FHIT: variants seen among roughly 807,000 people sequenced by gnomAD.
FHIT encodes the protein bis(5'-adenosyl)-triphosphatase.
A neutral mutation model predicts 17.9 loss-of-function variants in FHIT; 19 were observed. The observed-to-expected ratio is 1.06, with a 90% CI of 0.74 to 1.56. FHIT has a LOEUF of 1.56. FHIT is among the 40% of genes most tolerant of loss of function. The pLI is 0.00. For missense variants in FHIT, 248 were observed against 189.2 expected (o/e 1.31, Z -1.82); for synonymous variants, 81 against 69.7 (o/e 1.16, Z -0.81).
intron 7 of FHIT, among the ~76,000 whole-genome samples, chr3:59,936,087 ACAGT>A (rs891950888): frequency 3.9e-5 from 6 of 152,200 alleles, no homozygotes; most frequent in Admixed American, 2.0e-4. Flanking sequence ...TATCCTAAAA[ACAGT>A]CAGCATTGCA....
At chr3:60,787,452 T>C (rs556608417) in intron 4 of FHIT, among the ~76,000 whole-genome samples, 3 of 152,330 alleles carry the variant, frequency 2.0e-5, no homozygotes, top group South Asian at 2.1e-4. Flanking sequence ...GGGATCACTG[T>C]TGTAATTAGG....
chr3:60,186,195 A>T (rs1189069781), intron 5 of FHIT, among the ~76,000 whole-genome samples: 1 of 152,124 alleles, frequency 6.6e-6, no homozygotes, highest in African/African-American at 2.4e-5. Context: ...GGTGGTGTAT[A>T]TACCTACTAA....
At chr3:60,686,940 T>A (rs990338296) in intron 4 of FHIT, among the ~76,000 whole-genome samples, 9 of 152,220 alleles carry the variant, frequency 5.9e-5, no homozygotes, top group Admixed American at 3.9e-4. Context: ...ATTCTTCAGA[T>A]CCCTCAGAGA....
intron 4 of FHIT, among the ~76,000 whole-genome samples, chr3:60,630,954 A>C (rs1368761955): frequency 8.9e-6 from 1 of 112,702 alleles, no homozygotes; most frequent in Non-Finnish European, 1.9e-5. Context: ...AAAAAAAAAA[A>C]AACACACAGA....
chr3:60,462,117 A>T (rs148553772), intron 5 of FHIT, among the ~76,000 whole-genome samples: 1 of 152,172 alleles, frequency 6.6e-6, no homozygotes, highest in Non-Finnish European at 1.5e-5. Context: ...TATGCAACAA[A>T]AACAGTTATA....
At chr3:60,704,882 TAAGTCTGCTCTTTAGCCTC>T (rs1553703096) in intron 4 of FHIT, among the ~76,000 whole-genome samples, 10 of 152,112 alleles carry the variant, frequency 6.6e-5, no homozygotes, top group Non-Finnish European at 1.5e-4. Flanking sequence ...GAGAGGCTGA[TAAGTCTGCTCTTTAGCCTC>T]AAGAAATGCC....
chr3:60,433,236 T>C (rs1293163666), intron 5 of FHIT, among the ~76,000 whole-genome samples: 1 of 152,110 alleles, frequency 6.6e-6, no homozygotes, highest in African/African-American at 2.4e-5. Context: ...CATTATCTCC[T>C]ATGACAAGGT....
chr3:60,992,589 C>G (rs1228488334), intron 3 of FHIT, among the ~76,000 whole-genome samples: 1 of 152,088 alleles, frequency 6.6e-6, no homozygotes, highest in African/African-American at 2.4e-5. Flanking sequence ...CAAAGAACCG[C>G]AGGGCAGGTG....
intron 5 of FHIT, among the ~76,000 whole-genome samples, chr3:60,520,784 A>G (rs2035328753): frequency 6.6e-6 from 1 of 152,104 alleles, no homozygotes; most frequent in Non-Finnish European, 1.5e-5. Context: ...GAGCATCTAG[A>G]CTCATCTAAA....
intron 5 of FHIT, among the ~76,000 whole-genome samples, chr3:60,438,812 C>T (rs555474883): frequency 7.2e-5 from 11 of 152,174 alleles, no homozygotes; most frequent in Admixed American, 5.9e-4. Flanking sequence ...TAATGATGTC[C>T]GTGGTACCCA....
intron 4 of FHIT, among the ~76,000 whole-genome samples, chr3:60,736,805 T>C (rs2042141979): frequency 6.6e-6 from 1 of 152,154 alleles, no homozygotes; most frequent in Non-Finnish European, 1.5e-5. Context: ...ATTATTTCAA[T>C]AAGAAAAATA....
At chr3:60,579,800 C>T (rs2037695318) in intron 4 of FHIT, among the ~76,000 whole-genome samples, 2 of 152,086 alleles carry the variant, frequency 1.3e-5, no homozygotes, top group African/African-American at 4.8e-5. Flanking sequence ...TCAGCAGATA[C>T]TTCAGAGGAA....
chr3:60,891,812 G>A (rs536934356), intron 3 of FHIT, among the ~76,000 whole-genome samples: 11 of 152,170 alleles, frequency 7.2e-5, no homozygotes, highest in East Asian at 5.8e-4. Context: ...GAAAGTACCC[G>A]GGCGTTAAGA....
chr3:60,702,103 C>T lies in FHIT; in HGVS notation c.-18+119816G>A, dbSNP rs571151975. The stretch of plus-strand genomic sequence containing the variant: ...GTCTCTAACTCCTGGGGCTCAAGCA[C>T]TCTGCCCATCTTGGCCTCCCAAAAT... On this transcript the variant is annotated intron_variant, in intron 4 of 9. Coordinates refer to ENST00000492590, the MANE Select transcript of FHIT (RefSeq NM_002012.4). Among the ~76,000 whole-genome samples, 124 of 152,304 alleles carry T rather than the reference C, an allele frequency of 8.1e-4. 1 individual carries two copies. The highest frequency in any genetic ancestry group is 1.1e-3 in the Non-Finnish European group (74 of 68,030).
intron 5 of FHIT, among the ~76,000 whole-genome samples, chr3:60,521,464 G>C (rs569538317): frequency 1.3e-5 from 2 of 152,086 alleles, no homozygotes; most frequent in African/African-American, 4.8e-5. Flanking sequence ...AGCCAGGATG[G>C]TCTCGATCTG....
intron 7 of FHIT, among the ~76,000 whole-genome samples, chr3:59,940,003 G>A (rs763919495): frequency 1.3e-5 from 2 of 152,150 alleles, no homozygotes; most frequent in Non-Finnish European, 2.9e-5. Context: ...CTTAGGTCAC[G>A]GGATGACAAT....
At chr3:60,275,930 T>C (rs1707107235) in intron 5 of FHIT, among the ~76,000 whole-genome samples, 1 of 152,086 alleles carries the variant, frequency 6.6e-6, no homozygotes, top group African/African-American at 2.4e-5. Flanking sequence ...CAATTATTGC[T>C]CTCCTTCAAG....
intron 8 of FHIT, among the ~76,000 whole-genome samples, chr3:59,762,560 A>G (rs1302777094): frequency 6.6e-6 from 1 of 152,180 alleles, no homozygotes; most frequent in Non-Finnish European, 1.5e-5. Flanking sequence ...TGTCTCATCC[A>G]AACAAATTTG....
chr3:59,983,441 A>G (rs13069875), intron 7 of FHIT, among the ~76,000 whole-genome samples: 1 of 152,126 alleles, frequency 6.6e-6, no homozygotes, highest in South Asian at 2.1e-4. Flanking sequence ...GAAAAAGACC[A>G]CAATTATTAA....
Sources: gnomAD v4.1 joint callset for allele counts (sites outside exome capture counted in the v4.1 genomes callset) on GRCh38, gnomAD v4.1.1 for gene constraint, MANE v1.5 for transcripts, NCBI Gene and HGNC (gene_info 2026-07-23, HGNC 2026-07-21) for gene names.